Variants in HS6ST2 observed in about 807,000 individuals in gnomAD.
The protein encoded by HS6ST2 is heparan sulfate 6-O-sulfotransferase 2, also known as heparan-sulfate 6-O-sulfotransferase 2.
Under a neutral mutation model 33.0 loss-of-function variants are expected in HS6ST2, and 17 were observed. That is an observed-to-expected ratio of 0.52 (90% CI 0.35 to 0.77). HS6ST2 has a LOEUF of 0.77. Among genes scored for constraint, HS6ST2 ranks in the 30% least tolerant of loss-of-function variants. The pLI is 0.01. For synonymous variants in HS6ST2, 248 were observed against 237.1 expected (o/e 1.05, Z -0.42); for missense variants, 519 against 551.7 (o/e 0.94, Z 0.59).
chrX:132,628,372 G>T lies in HS6ST2; in HGVS notation c.1789C>A (p.Leu597Met). The T allele has an allele frequency of 8.5e-7, 1 of 1,175,739 alleles. No individual in the cohort carries two copies. The highest frequency in any genetic ancestry group is 1.1e-6 in the Non-Finnish European group (1 of 872,969). Residue 597 changes from leucine to methionine, a missense_variant, in exon 5 of 5, where the codon CTG (leucine) becomes ATG (methionine). Leu to Met is a conservative substitution (Grantham distance 15, BLOSUM62 2). Transcript: ENST00000370833. ...AGATTCTGCATCAGATTCTGAGTCA[G>T]GTTCTGATTGGCATTCGGATTTGGG... ...QNPNPNANQNLTQNLMQNLTQ... is the reference protein window; with the variant it reads ...QNPNPNANQNMTQNLMQNLTQ...
At chrX:132,851,502 G>T (rs1030732966) in intron 2 of HS6ST2, among the ~76,000 whole-genome samples, 1 of 112,548 alleles carries the variant, frequency 8.9e-6, no homozygotes, top group African/African-American at 3.2e-5. Context: ...ATTAAACAAT[G>T]CATGGAAAGG....
chrX:132,717,859 C>T (rs1306493951), intron 2 of HS6ST2, among the ~76,000 whole-genome samples: 1 of 111,641 alleles, frequency 9.0e-6, no homozygotes, highest in Non-Finnish European at 1.9e-5. Context: ...CCATTGTGAG[C>T]GCAAACTTGC....
chrX:132,829,029 T>C (rs1037113499), intron 2 of HS6ST2, among the ~76,000 whole-genome samples: 4 of 103,342 alleles, frequency 3.9e-5, no homozygotes, highest in Non-Finnish European at 7.8e-5. Context: ...GTCTATCGAG[T>C]AGATTCATGT....
chrX:132,743,331 TATGAAAAGGCTAG>T (rs977394863), intron 2 of HS6ST2, among the ~76,000 whole-genome samples: 3 of 111,903 alleles, frequency 2.7e-5, no homozygotes, highest in African/African-American at 9.8e-5. Context: ...GGGGCAGGGT[TATGAAAAGGCTAG>T]GCCCCAGGGC....
chrX:132,785,359 G>A (rs980021745), intron 2 of HS6ST2, among the ~76,000 whole-genome samples: 2 of 111,456 alleles, frequency 1.8e-5, no homozygotes, highest in Non-Finnish European at 3.8e-5. Flanking sequence ...AGACAGAAAC[G>A]GGGAGAACCA....
intron 4 of HS6ST2, among the ~76,000 whole-genome samples, chrX:132,631,320 T>A (rs1298257806): frequency 8.9e-6 from 1 of 112,135 alleles, no homozygotes; most frequent in Admixed American, 9.4e-5. Flanking sequence ...GAGAAGCATC[T>A]GGGAGTGAGG....
In HS6ST2 at chrX:132,678,957, T is replaced by C. The variant is rs140737330; in HGVS notation, c.981-9758A>G. 8.8e-3 allele frequency among the ~76,000 whole-genome samples: 986 copies of C among 112,331 alleles called. 10 individuals carry two copies. The highest frequency in any genetic ancestry group is 0.029 in the African/African-American group (912 of 30,919). Reference sequence around the variant, plus strand: ...AACTGAGCCAAAGAGTGAGGCTCTTTATTGACCCCTCCCCAGACAAGGGAA... The same window carrying C: ...AACTGAGCCAAAGAGTGAGGCTCTTCATTGACCCCTCCCCAGACAAGGGAA... On this transcript the variant is annotated intron_variant, in intron 3 of 4. Coordinates refer to ENST00000370833, the MANE Select transcript of HS6ST2 (RefSeq NM_001394073.1).
intron 2 of HS6ST2, among the ~76,000 whole-genome samples, chrX:132,896,320 A>T (rs2066375132): frequency 9.1e-6 from 1 of 110,284 alleles, no homozygotes; most frequent in African/African-American, 3.3e-5. Flanking sequence ...AATACAAAAA[A>T]ATTACCCAGG....
intron 2 of HS6ST2, among the ~76,000 whole-genome samples, chrX:132,949,954 C>A (rs1382165303): frequency 5.4e-5 from 6 of 111,167 alleles, no homozygotes; most frequent in Non-Finnish European, 1.1e-4. Flanking sequence ...AAATCACTAG[C>A]AATTTTCCAT....
chrX:132,801,625 AC>A (rs2065235745), intron 2 of HS6ST2, among the ~76,000 whole-genome samples: 1 of 111,588 alleles, frequency 9.0e-6, no homozygotes, highest in Non-Finnish European at 1.9e-5. Flanking sequence ...ACAAGGGACT[AC>A]AGCTTAGAAT....
intron 3 of HS6ST2, among the ~76,000 whole-genome samples, chrX:132,681,260 T>C (rs1257708138): frequency 1.8e-5 from 2 of 112,170 alleles, no homozygotes; most frequent in East Asian, 5.6e-4. Context: ...TCTGGCCTTA[T>C]TTATTGCAAC....
intron 2 of HS6ST2, among the ~76,000 whole-genome samples, chrX:132,744,418 A>AT (rs1161189082): frequency 9.0e-6 from 1 of 111,720 alleles, no homozygotes; most frequent in African/African-American, 3.3e-5. Context: ...GAGGAAGAAG[A>AT]TTCACCCATA....
chrX:132,932,303 C>A (rs1245263353), intron 2 of HS6ST2, among the ~76,000 whole-genome samples: 2 of 111,136 alleles, frequency 1.8e-5, no homozygotes, highest in Admixed American at 9.6e-5. Flanking sequence ...TTAGTGGAGT[C>A]CAACAGATAG....
At chrX:132,725,438 A>T (rs1484960666) in intron 2 of HS6ST2, among the ~76,000 whole-genome samples, 2 of 111,995 alleles carry the variant, frequency 1.8e-5, no homozygotes, top group African/African-American at 6.5e-5. Flanking sequence ...ACTGATTATC[A>T]GAGAAATAAA....
intron 2 of HS6ST2, among the ~76,000 whole-genome samples, chrX:132,769,031 T>A (rs1015568338): frequency 6.2e-5 from 7 of 112,303 alleles, no homozygotes; most frequent in Non-Finnish European, 9.4e-5. Context: ...AATGTGCTGA[T>A]CCATTGATTA....
Position 132,771,202 on chromosome X carries a change from A to T in HS6ST2, c.948-62708T>A, listed in dbSNP as rs549031710. ...AGTAAATATGCAACGAGTGAAAGAA[A>T]GAATGAATGCAAGCAAACAAACAGT... is the stretch of plus-strand genomic sequence containing the variant. On this transcript the variant is annotated intron_variant, in intron 2 of 4. Transcript: ENST00000370833. Among the ~76,000 whole-genome samples, 21 of 112,522 alleles carry T rather than the reference A, an allele frequency of 1.9e-4. No homozygotes were observed. The South Asian group carries it at 5.9e-3, about 32-fold the overall frequency.
At chrX:132,901,285 T>C (rs1254327061) in intron 2 of HS6ST2, among the ~76,000 whole-genome samples, 1 of 111,913 alleles carries the variant, frequency 8.9e-6, no homozygotes, top group Non-Finnish European at 1.9e-5. Context: ...ATGTTTGTTG[T>C]TTTAAGCCAC....
intron 3 of HS6ST2, among the ~76,000 whole-genome samples, chrX:132,706,774 TA>T (rs773952556): frequency 1.5e-4 from 17 of 112,492 alleles, no homozygotes; most frequent in Non-Finnish European, 3.2e-4. Context: ...CAATGGGGAT[TA>T]CCAAAAATGT....
At chrX:132,692,365 T>C (rs1466693284) in intron 3 of HS6ST2, among the ~76,000 whole-genome samples, 1 of 111,125 alleles carries the variant, frequency 9.0e-6, no homozygotes, top group Non-Finnish European at 1.9e-5. Flanking sequence ...GAGAGTATGG[T>C]ATTTATCCAT....
Sources: allele counts gnomAD v4.1 joint callset (sites outside exome capture counted in the v4.1 genomes callset), GRCh38; gene constraint gnomAD v4.1.1; transcripts MANE v1.5; gene names NCBI Gene and HGNC (gene_info 2026-07-23, HGNC 2026-07-21).